ACO2: variants seen among roughly 807,000 people sequenced by gnomAD.
ACO2 encodes aconitase 2, also known as aconitate hydratase, mitochondrial.
Under a neutral mutation model 84.5 loss-of-function variants are expected in ACO2, and 31 were observed. The ratio of observed to expected loss-of-function variants is 0.37; its 90% CI spans 0.28 to 0.50. ACO2 has a LOEUF of 0.50. ACO2 is among the 20% of genes least tolerant of loss of function. The pLI, the probability that ACO2 is intolerant of heterozygous loss-of-function variation, is 0.97. For missense variants in ACO2, 685 were observed against 1,029.3 expected, an observed-to-expected ratio of 0.67 and a Z score of 4.58; for synonymous variants, 414 against 412.7, an observed-to-expected ratio of 1.00 and a Z score of -0.04.
rs556207253 is a variant in ACO2 at position 41,482,554 on chromosome 22, A to G, written c.36+13372A>G. ...TGGGAGACTCCCACTTAGGTGTAAAATTAGGAAGTTGTTTTGTGGCTGAGG... is the reference window on the plus strand; with the variant it reads ...TGGGAGACTCCCACTTAGGTGTAAAGTTAGGAAGTTGTTTTGTGGCTGAGG... On this transcript the variant is annotated intron_variant, in intron 1 of 17. Transcript: ENST00000216254. 1.1e-4 allele frequency among the ~76,000 whole-genome samples: 16 copies of G among 152,358 alleles called. 1 individual carries two copies. The South Asian group carries it at 3.1e-3, about 30-fold the overall frequency.
intron 15 of ACO2, 62 bp from the exon 16 acceptor site, chr22:41,527,226 G>T: frequency 6.2e-7 from 1 of 1,612,836 alleles, no homozygotes; most frequent in Non-Finnish European, 8.5e-7. Context: ...GGCAGGTAGG[G>T]CCAGACAGGT....
rs1251589252 is a variant in ACO2, at chr22:41,528,507, A to G, written c.2237A>G (p.Asn746Ser). 17 of 1,612,456 alleles carry G rather than the reference A, an allele frequency of 1.1e-5. No homozygotes were observed. Among genetic ancestry groups the G allele is most frequent in the Admixed American group, 1.7e-5 (1 of 60,012 alleles). ...KPLKCIIKHPNGTQETILLNH... is the reference protein window; with the variant it reads ...KPLKCIIKHPSGTQETILLNH... ...CTGAAGTGCATCATCAAGCACCCCA[A>G]CGGGACCCAGGAGACCATCCTCCTG... The change falls in exon 18 of 18, where the codon AAC becomes AGC. Residue 746 changes from asparagine (N) to serine (S), a missense_variant. By Grantham distance (46) the Asn-to-Ser change is conservative. Around this residue, in one of 5 missense-constraint regions of ACO2, gnomAD observed 174 missense variants for 236.6 expected, o/e 0.74. Transcript: ENST00000216254.
chr22:41,527,459 C>T, intron 16 of ACO2, 39 bp downstream of exon 16: 1 of 1,574,632 alleles, frequency 6.4e-7, no homozygotes, highest in Non-Finnish European at 8.6e-7. Flanking sequence ...CTCATCCCAT[C>T]CCTAGTGATC....
At chr22:41,514,725 C>A (rs976333953) in intron 4 of ACO2, among the ~76,000 whole-genome samples, 3 of 152,212 alleles carry the variant, frequency 2.0e-5, no homozygotes, top group Non-Finnish European at 2.9e-5. Context: ...CTCCCCACGG[C>A]TGGGAGGAGC....
chr22:41,475,658 G>A (rs1601876628), intron 1 of ACO2, among the ~76,000 whole-genome samples: 1 of 151,684 alleles, frequency 6.6e-6, no homozygotes, highest in African/African-American at 2.4e-5. Flanking sequence ...ACTTTGGGAG[G>A]CTGAGGTGGG....
chr22:41,474,951 T>A (rs1169158131), intron 1 of ACO2, among the ~76,000 whole-genome samples: 2 of 151,944 alleles, frequency 1.3e-5, no homozygotes, highest in African/African-American at 4.8e-5. Flanking sequence ...GATAAATTTT[T>A]GATTCTTTCA....
At chr22:41,516,077 T>A in intron 6 of ACO2, 160 bp downstream of exon 6, 1 of 897,852 alleles carries the variant, frequency 1.1e-6, no homozygotes, top group Non-Finnish European at 1.8e-6. Context: ...GAGACAGCAT[T>A]AGAGATTGTC....
At chr22:41,470,526 ATCTTTTTTTTTTTTTT>A (rs2037932619) in intron 1 of ACO2, among the ~76,000 whole-genome samples, 1 of 125,416 alleles carries the variant, frequency 8.0e-6, no homozygotes, top group African/African-American at 2.9e-5. Context: ...ATCTCTTTAC[ATCTTTTTTTTTTTTTT>A]TTTTTTTTTT....
intron 9 of ACO2, among the ~76,000 whole-genome samples, chr22:41,521,825 A>G (rs2066529071): frequency 6.7e-6 from 1 of 149,902 alleles, no homozygotes; most frequent in African/African-American, 2.5e-5. Flanking sequence ...CCCAGGCTGG[A>G]GTGCAGTGGC....
intron 1 of ACO2, among the ~76,000 whole-genome samples, chr22:41,498,408 A>C (rs1193441700): frequency 1.3e-5 from 2 of 152,340 alleles, no homozygotes; most frequent in South Asian, 4.1e-4. Flanking sequence ...GCTTAAAACA[A>C]CAACAAGCAT....
chr22:41,485,434 ATTTTTT>A (rs71184813), intron 1 of ACO2, among the ~76,000 whole-genome samples: 1 of 69,026 alleles, frequency 1.4e-5, no homozygotes, highest in Non-Finnish European at 2.8e-5. Context: ...TGCCCGGCTA[ATTTTTT>A]TTTTTTTTTT....
At chr22:41,469,366 C>A in intron 1 of ACO2, 184 bp downstream of exon 1, 1 of 614,784 alleles carries the variant, frequency 1.6e-6, no homozygotes, top group Non-Finnish European at 2.6e-6. Flanking sequence ...GTCCCCGGCA[C>A]AGTCAGCTTT....
Position 41,527,527 on chromosome 22 carries a change from C to T in ACO2, c.2086+107C>T. 2.1e-6 allele frequency: 3 copies of T among 1,439,756 alleles called. No individual in the cohort carries two copies. In the South Asian group the frequency reaches 4.0e-5, roughly 19 times the overall value. The allele number at this position is 1,439,756 out of a possible 1,614,324, so 89.2% of individuals were successfully genotyped here. ...GCCTGGTTCTAGGCTGTGTCCACTG[C>T]AGCCCACAGGCCCGTCAGCCTCTTG... On this transcript the variant is annotated intron_variant, in intron 16 of 17. Transcript: ENST00000216254.
At chr22:41,523,981 TG>T in intron 12 of ACO2, 40 bp downstream of exon 12, 1 of 1,577,480 alleles carries the variant, frequency 6.3e-7, no homozygotes, top group Non-Finnish European at 8.7e-7. Flanking sequence ...GGATGGCCTC[TG>T]GGGGTCCCTG....
At chr22:41,488,828 A>G (rs1331849754) in intron 1 of ACO2, among the ~76,000 whole-genome samples, 2 of 152,168 alleles carry the variant, frequency 1.3e-5, no homozygotes, top group Non-Finnish European at 2.9e-5. Flanking sequence ...GAATATTTAT[A>G]GACTGTGAGC....
chr22:41,526,564 C>T (rs1217156556), intron 15 of ACO2, 111 bp downstream of exon 15: 6 of 1,249,526 alleles, frequency 4.8e-6, no homozygotes, highest in Non-Finnish European at 6.6e-6. Context: ...GCCGACCAAG[C>T]CCAAAGGGGA....
chr22:41,484,532 A>G (rs1206321193), intron 1 of ACO2, among the ~76,000 whole-genome samples: 1 of 152,110 alleles, frequency 6.6e-6, no homozygotes, highest in East Asian at 1.9e-4. Flanking sequence ...ATAACGGAGG[A>G]AAAATTCTGG....
intron 1 of ACO2, among the ~76,000 whole-genome samples, chr22:41,477,441 G>C (rs1040729665): frequency 6.6e-6 from 1 of 151,830 alleles, no homozygotes; most frequent in Non-Finnish European, 1.5e-5. Flanking sequence ...TTACAGGCGT[G>C]AGCCACCGCA....
At chr22:41,499,000 G>A (rs979673641) in intron 1 of ACO2, among the ~76,000 whole-genome samples, 3 of 151,892 alleles carry the variant, frequency 2.0e-5, no homozygotes, top group African/African-American at 7.3e-5. Flanking sequence ...AGCTGAGGCA[G>A]GAGAAATTGA....
Sources: gnomAD v4.1 joint callset for allele counts (sites outside exome capture counted in the v4.1 genomes callset) on GRCh38, gnomAD v4.1.1 for gene constraint, gnomAD v4.1.1 regional missense constraint, MANE v1.5 for transcripts, NCBI Gene and HGNC (gene_info 2026-07-23, HGNC 2026-07-21) for gene names.